Variants in SLC25A3 observed in about 807,000 individuals in gnomAD.
The protein encoded by SLC25A3 is phosphate transport protein.
A neutral mutation model predicts 37.1 loss-of-function variants in SLC25A3; 14 were observed. That is an observed-to-expected ratio of 0.38 (90% CI 0.25 to 0.59). SLC25A3 has a LOEUF of 0.59. SLC25A3 is among the 20% of genes least tolerant of loss of function. SLC25A3 has a pLI of 0.67. For synonymous variants in SLC25A3, 161 were observed against 168.7 expected, an observed-to-expected ratio of 0.95 and a Z score of 0.36; for missense variants, 385 against 458.1, an observed-to-expected ratio of 0.84 and a Z score of 1.46.
At position 98,602,412 on chromosome 12, in the gene SLC25A3, C is replaced by T. The variant is rs2097598630; in HGVS notation, c.*884C>T. On this transcript the variant is annotated 3_prime_UTR_variant, in exon 8 of 8. Transcript: ENST00000552981. Reference sequence around the variant, plus strand: ...CTTCCAACCTCAGGTGATCCGCCCGCCTCAGCCTCCCAAACTGCTGGGATT... The same window carrying T: ...CTTCCAACCTCAGGTGATCCGCCCGTCTCAGCCTCCCAAACTGCTGGGATT... 6.6e-6 allele frequency: 1 copy of T among 152,266 alleles called. No homozygotes were observed. The highest frequency in any genetic ancestry group is 1.5e-5 in the Non-Finnish European group (1 of 68,070). The allele number at this position is 152,266 out of a possible 1,614,324, so 9.4% of individuals were successfully genotyped here.
intron 2 of SLC25A3, 199 bp from the exon 3 acceptor site, chr12:98,595,528 C>T (rs1565829259): frequency 1.9e-6 from 3 of 1,613,976 alleles, no homozygotes; most frequent in Admixed American, 3.3e-5. Context: ...AGCATTGGTT[C>T]CTCTAGATCT....
Position 98,593,699 on chromosome 12 carries a change from A to G in SLC25A3, c.-46A>G. The G allele has an allele frequency of 1.9e-6, 1 of 536,308 alleles. No individual in the cohort carries two copies. Among genetic ancestry groups the G allele is most frequent in the Non-Finnish European group, 3.4e-6 (1 of 296,058 alleles). 33.2% of individuals were successfully genotyped at this position (536,308 alleles called of 1,614,324 possible). A position where few individuals can be genotyped will look rare whatever the true frequency, so the allele number is the denominator to read the frequency against. ...AGGACGTCCGGCCTCTGTGAGCCGC[A>G]ACCTTTCCAAGGGAGTGGTTGTGTG... On this transcript the variant is annotated 5_prime_UTR_variant, in exon 1 of 8. Transcript: ENST00000552981.
In SLC25A3 at chr12:98,598,580, T is replaced by C. The variant is rs773738510; in HGVS notation, c.518T>C (p.Phe173Ser). Residue 173 changes from phenylalanine (F) to serine (S), a missense_variant, in exon 5 of 8, where the codon TTC (phenylalanine) becomes TCC (serine). This residue lies in a region of SLC25A3 where 276 missense variants were observed against 367.6 expected (regional missense o/e 0.75). Transcript: ENST00000552981. Reference sequence around the variant, plus strand: ...TTGGCTGCCTCTGCCAGTGCTGAATTCTTTGCTGACATTGCCCTGGCTCCT... The same window carrying C: ...TTGGCTGCCTCTGCCAGTGCTGAATCCTTTGCTGACATTGCCCTGGCTCCT... ...LYLAASASAE[F>S]FADIALAPME... The C allele has an allele frequency of 6.2e-7, 1 of 1,613,860 alleles. No homozygotes were observed. The highest frequency in any genetic ancestry group is 1.3e-5 in the African/African-American group (1 of 75,038).
At position 98,606,345 on chromosome 12, in the gene SLC25A3, TTAAACA is replaced by T. The variant is rs1390977681; in HGVS notation, c.*4822_*4827del. ...TCGGCATCTTGTAAAAATTAAAAAA[TTAAACA>T]TAAATAAAAGTTCAAACTATGTGTT... On this transcript the variant is annotated 3_prime_UTR_variant, in exon 8 of 8. Transcript: ENST00000552981. The T allele has an allele frequency of 1.3e-5, 2 of 152,152 alleles. No homozygotes were observed. Among genetic ancestry groups the T allele is most frequent in the South Asian group, 2.1e-4 (1 of 4,822 alleles). The allele number at this position is 152,152 out of a possible 1,614,324, so 9.4% of individuals were successfully genotyped here. A position where few individuals can be genotyped will look rare whatever the true frequency, so the allele number is the denominator to read the frequency against.
In SLC25A3 at chr12:98,601,581, A is replaced by G. The variant is rs2097597956; in HGVS notation, c.*53A>G. 3.3e-6 allele frequency: 4 copies of G among 1,204,558 alleles called. No homozygotes were observed. Among genetic ancestry groups the G allele is most frequent in the Non-Finnish European group, 5.0e-6 (4 of 807,194 alleles). 74.6% of individuals were successfully genotyped at this position (1,204,558 alleles called of 1,614,324 possible). On this transcript the variant is annotated 3_prime_UTR_variant, in exon 8 of 8. Transcript: ENST00000552981. ...CTGCTTGTTGATCAGTGTTGAAGAA[A>G]GTGCAAAAGGAACTTTTATATATTT...
rs1364615569 is a variant in SLC25A3, at chr12:98,605,827, T to G, written c.*4299T>G. 1 of 146,490 alleles carries G rather than the reference T, an allele frequency of 6.8e-6. No homozygotes were observed. Among genetic ancestry groups the G allele is most frequent in the Non-Finnish European group, 1.5e-5 (1 of 66,836 alleles). 9.1% of individuals were successfully genotyped at this position (146,490 alleles called of 1,614,324 possible). A position where few individuals can be genotyped will look rare whatever the true frequency, so the allele number is the denominator to read the frequency against. ...AGAGCCAGACTGTCTGAGGAAGAAA[T>G]TGTATATCAGGCTGGGCACAGTGGC... On this transcript the variant is annotated 3_prime_UTR_variant, in exon 8 of 8. Transcript: ENST00000552981.
intron 1 of SLC25A3, 70 bp downstream of exon 1, chr12:98,593,810 G>C (rs534781511): frequency 6.7e-4 from 481 of 721,446 alleles, no homozygotes; most frequent in Non-Finnish European, 1.1e-3. Flanking sequence ...TGGGGCCGCT[G>C]CTTTGGCGGT....
chr12:98,598,659 G>C lies in SLC25A3; in HGVS notation c.597G>C (p.Leu199Phe). 1.2e-6 allele frequency: 2 copies of C among 1,614,098 alleles called. No homozygotes were observed. Among genetic ancestry groups the C allele is most frequent in the Non-Finnish European group, 1.7e-6 (2 of 1,179,996 alleles). ...IQTQPGYANT[L>F]RDAAPKMYKE... ...CCCAGCCAGGTTATGCCAACACTTT[G>C]AGGGATGCAGCTCCCAAAATGTATA... The change falls in exon 5 of 8, where the codon TTG becomes TTC. Residue 199 changes from leucine to phenylalanine, a missense_variant. Physicochemically the swap from Leu to Phe is conservative, Grantham distance 22 (BLOSUM62 0). Around this residue, in one of 2 missense-constraint regions of SLC25A3, gnomAD observed 276 missense variants for 367.6 expected, o/e 0.75. Coordinates refer to ENST00000552981, the MANE Select transcript of SLC25A3 (RefSeq NM_002635.4).
At position 98,602,942 on chromosome 12, in the gene SLC25A3, T is replaced by A. The variant is rs1393423905; in HGVS notation, c.*1414T>A. ...AGAAGCCAGTGCAGCTAGTTGCATG[T>A]TAACTTCTTTATATCATCATTGCCT... On this transcript the variant is annotated 3_prime_UTR_variant, in exon 8 of 8. Transcript: ENST00000552981. The A allele has an allele frequency of 6.6e-6, 1 of 152,230 alleles. No individual in the cohort carries two copies. The highest frequency in any genetic ancestry group is 1.5e-5 in the Non-Finnish European group (1 of 68,038). The allele number at this position is 152,230 out of a possible 1,614,324, so 9.4% of individuals were successfully genotyped here. A position where few individuals can be genotyped will look rare whatever the true frequency, so the allele number is the denominator to read the frequency against.
chr12:98,598,152 G>A lies in SLC25A3; in HGVS notation c.459+117G>A, dbSNP rs948237298. 29 of 995,844 alleles carry A rather than the reference G, an allele frequency of 2.9e-5. No individual in the cohort carries two copies. The Admixed American group carries it at 5.8e-4, about 20-fold the overall frequency. The allele number at this position is 995,844 out of a possible 1,614,324, so 61.7% of individuals were successfully genotyped here. Reference sequence around the variant, plus strand: ...TGAAGAAAATGGTCCTACAAAGTGAGCAACTTGTTTTAAATCGTATGCCTG... The same window carrying A: ...TGAAGAAAATGGTCCTACAAAGTGAACAACTTGTTTTAAATCGTATGCCTG... On this transcript the variant is annotated intron_variant, in intron 4 of 7. Coordinates refer to ENST00000552981, the MANE Select transcript of SLC25A3 (RefSeq NM_002635.4).
At chr12:98,600,565 A>G (rs2153287543) in intron 6 of SLC25A3, among the ~76,000 whole-genome samples, 1 of 152,256 alleles carries the variant, frequency 6.6e-6, no homozygotes, top group East Asian at 1.9e-4. Context: ...GGCGTCTGCC[A>G]CTACGCCCGG....
intron 3 of SLC25A3, among the ~76,000 whole-genome samples, 158 bp downstream of exon 3, chr12:98,596,006 T>G (rs888536503): frequency 6.6e-6 from 1 of 152,260 alleles, no homozygotes; most frequent in African/African-American, 2.4e-5. Flanking sequence ...GACTAGTGTT[T>G]TAAATCCAAT....
At chr12:98,601,135 A>G in intron 6 of SLC25A3, 36 bp from the exon 7 acceptor site, 2 of 1,606,640 alleles carry the variant, frequency 1.2e-6, no homozygotes, top group Non-Finnish European at 1.7e-6. Context: ...TTTTGTTTTT[A>G]ACTGGCACTG....
rs569408451 is a variant in SLC25A3 at position 98,603,098 on chromosome 12, G to C, written c.*1570G>C. 2 of 152,342 alleles carry C rather than the reference G, an allele frequency of 1.3e-5. No homozygotes were observed. The highest frequency in any genetic ancestry group is 3.9e-4 in the East Asian group (2 of 5,192). 9.4% of individuals were successfully genotyped at this position (152,342 alleles called of 1,614,324 possible). A position where few individuals can be genotyped will look rare whatever the true frequency, so the allele number is the denominator to read the frequency against. On this transcript the variant is annotated 3_prime_UTR_variant, in exon 8 of 8. Transcript: ENST00000552981. ...TGAACCCAACCAAGTGGTGGCTGTG[G>C]TGCTTAGCAGTATCAACTGTATATT...
chr12:98,594,038 G>C lies in SLC25A3; in HGVS notation c.60G>C (p.Gln20His). 6.2e-7 allele frequency: 1 copy of C among 1,613,644 alleles called. No homozygotes were observed. The highest frequency in any genetic ancestry group is 1.1e-5 in the South Asian group (1 of 91,090). ...RANPFNTPHLQLVHDGLGDLR... is the reference protein window; with the variant it reads ...RANPFNTPHLHLVHDGLGDLR... ...ACCCCTTCAACACGCCACATCTGCA[G>C]CTGGTGCACGATGGTCTCGGGGACC... Residue 20 changes from glutamine to histidine, a missense_variant, in exon 2 of 8, where the codon CAG becomes CAC. Gln to His is a conservative substitution (Grantham distance 24, BLOSUM62 0). This residue lies in a region of SLC25A3 where 109 missense variants were observed against 90.5 expected (regional missense o/e 1.20). Transcript: ENST00000552981.
rs1368785171 is a variant in SLC25A3, at chr12:98,594,540, G to A, written c.157+405G>A. On this transcript the variant is annotated intron_variant, in intron 2 of 7. Transcript: ENST00000552981. Reference sequence around the variant, plus strand: ...TTTGCCCTTAGTTTTCTTAAAAATAGTCCTTTCCTAAGTTTTATATTTGTC... The same window carrying A: ...TTTGCCCTTAGTTTTCTTAAAAATAATCCTTTCCTAAGTTTTATATTTGTC... 4 of 595,446 alleles carry A rather than the reference G, an allele frequency of 6.7e-6. No individual in the cohort carries two copies. In the African/African-American group the frequency reaches 7.4e-5, roughly 11 times the overall value. 36.9% of individuals were successfully genotyped at this position (595,446 alleles called of 1,614,324 possible).
chr12:98,594,672 A>C, intron 2 of SLC25A3: 1 of 346,464 alleles, frequency 2.9e-6, no homozygotes, highest in Non-Finnish European at 5.4e-6. Context: ...GGCAATAGAA[A>C]GGAGATAATT....
chr12:98,601,811 C>A lies in SLC25A3; in HGVS notation c.*283C>A. The A allele has an allele frequency of 2.8e-6, 1 of 363,564 alleles. No individual in the cohort carries two copies. Among genetic ancestry groups the A allele is most frequent in the Non-Finnish European group, 5.1e-6 (1 of 197,284 alleles). 22.5% of individuals were successfully genotyped at this position (363,564 alleles called of 1,614,324 possible). A position where few individuals can be genotyped will look rare whatever the true frequency, so the allele number is the denominator to read the frequency against. On this transcript the variant is annotated 3_prime_UTR_variant, in exon 8 of 8. Transcript: ENST00000552981. ...GTTAAGGAAAAAATACAAAACTGACCATGACCATTGTTGGTTGAATATTCC... is the reference window on the plus strand; with the variant it reads ...GTTAAGGAAAAAATACAAAACTGACAATGACCATTGTTGGTTGAATATTCC...
At chr12:98,598,076 A>G (rs1161233253) in intron 4 of SLC25A3, 41 bp downstream of exon 4, 1 of 1,600,538 alleles carries the variant, frequency 6.2e-7, no homozygotes, top group Non-Finnish European at 8.6e-7. Flanking sequence ...CGAGTGTTTA[A>G]GACTTTCCGA....
Sources: gnomAD v4.1 joint callset for allele counts (sites outside exome capture counted in the v4.1 genomes callset) on GRCh38, gnomAD v4.1.1 for gene constraint, gnomAD v4.1.1 regional missense constraint, MANE v1.5 for transcripts, NCBI Gene and HGNC (gene_info 2026-07-23, HGNC 2026-07-21) for gene names.